The following MIPOL1 variants were observed in gnomAD, a reference collection of about 807,000 sequenced individuals.
MIPOL1 encodes the protein mirror-image polydactyly gene 1 protein.
In MIPOL1, 57 loss-of-function variants were observed where a neutral mutation model predicts 60.9. That is an observed-to-expected ratio of 0.94 (90% CI 0.76 to 1.17). The LOEUF (loss-of-function observed/expected upper bound fraction) is 1.17, where lower values mean the gene tolerates loss of function less well. Among genes scored for constraint, MIPOL1 ranks in the 50% most tolerant of loss-of-function variants. The pLI is 0.00. For missense variants in MIPOL1, 551 were observed against 511.6 expected (o/e 1.08, Z -0.74); for synonymous variants, 179 against 168.8 (o/e 1.06, Z -0.47).
intron 7 of MIPOL1, among the ~76,000 whole-genome samples, chr14:37,295,519 A>G (rs4900751): frequency 0.3 from 45,934 of 152,070 alleles, 7,183 homozygotes; most frequent in East Asian, 0.46. Context: ...CAAGTTGGAT[A>G]AAGAGTCAAG....
intron 1 of MIPOL1, among the ~76,000 whole-genome samples, chr14:37,224,000 A>G (rs925307325): frequency 6.6e-6 from 1 of 152,206 alleles, no homozygotes; most frequent in Non-Finnish European, 1.5e-5. Context: ...TAGGTTGTGA[A>G]ATCTAGCATT....
At chr14:37,452,497 T>C (rs1403890000) in intron 11 of MIPOL1, among the ~76,000 whole-genome samples, 1 of 152,190 alleles carries the variant, frequency 6.6e-6, no homozygotes, top group Non-Finnish European at 1.5e-5. Flanking sequence ...ATAATATAGG[T>C]CATGAGAAGT....
chr14:37,491,195 G>A (rs1412310376), intron 11 of MIPOL1, among the ~76,000 whole-genome samples: 1 of 152,122 alleles, frequency 6.6e-6, no homozygotes, highest in Non-Finnish European at 1.5e-5. Flanking sequence ...ATCAGGAGCT[G>A]GCCCTACATT....
At chr14:37,544,246 A>G (rs372626605) in intron 12 of MIPOL1, among the ~76,000 whole-genome samples, 242 of 152,328 alleles carry the variant, frequency 1.6e-3, no homozygotes, top group African/African-American at 5.3e-3. Context: ...AAGAAACAAA[A>G]ATCATATTTA....
chr14:37,214,980 C>T (rs999046883), intron 1 of MIPOL1, among the ~76,000 whole-genome samples: 3 of 152,102 alleles, frequency 2.0e-5, no homozygotes, highest in Non-Finnish European at 1.5e-5. Context: ...GCGGCCTAAC[C>T]ATCTCCCTGT....
At chr14:37,335,166 C>T (rs946967767) in intron 9 of MIPOL1, among the ~76,000 whole-genome samples, 2 of 152,064 alleles carry the variant, frequency 1.3e-5, no homozygotes, top group Admixed American at 1.3e-4. Flanking sequence ...CTCGCTAACA[C>T]CTGTTACTAT....
intron 9 of MIPOL1, among the ~76,000 whole-genome samples, chr14:37,324,834 T>C (rs2088977172): frequency 6.6e-6 from 1 of 152,124 alleles, no homozygotes; most frequent in South Asian, 2.1e-4. Flanking sequence ...TTTCATGCCA[T>C]TGAAACAAAT....
rs869258490 is a variant in MIPOL1, at chr14:37,431,569, CTTTTTT to C, written c.1031+8642_1031+8647del. On this transcript the variant is annotated intron_variant, in intron 11 of 12. Coordinates refer to ENST00000684589, the MANE Select transcript of MIPOL1 (RefSeq NM_001388067.1). ...CTTGATATTGCTGCCATCTCTGTTT[CTTTTTT>C]TTTTTTTTTTTTTTTTTTTTTGAGA... 6.3e-4 allele frequency among the ~76,000 whole-genome samples: 41 copies of C among 64,850 alleles called. 1 individual carries two copies. The highest frequency in any genetic ancestry group is 1.7e-3 in the East Asian group (3 of 1,780). The allele number at this position is 64,850 out of a possible 152,430, so 42.5% of individuals were successfully genotyped here.
intron 1 of MIPOL1, among the ~76,000 whole-genome samples, chr14:37,244,750 A>G (rs1972921997): frequency 6.6e-6 from 1 of 152,126 alleles, no homozygotes; most frequent in African/African-American, 2.4e-5. Context: ...CACTAGTTTT[A>G]ATGTGAATAT....
At chr14:37,459,603 G>A (rs1057075674) in intron 11 of MIPOL1, among the ~76,000 whole-genome samples, 2 of 152,120 alleles carry the variant, frequency 1.3e-5, no homozygotes, top group Non-Finnish European at 2.9e-5. Flanking sequence ...AAGAAGAGCT[G>A]GTACCAATCT....
intron 10 of MIPOL1, among the ~76,000 whole-genome samples, chr14:37,414,364 A>G (rs1030281478): frequency 6.6e-6 from 1 of 152,176 alleles, no homozygotes; most frequent in East Asian, 1.9e-4. Context: ...TAGTCATTGT[A>G]ATTTTACCTC....
At chr14:37,202,710 A>G (rs909206099) in intron 1 of MIPOL1, among the ~76,000 whole-genome samples, 1 of 152,172 alleles carries the variant, frequency 6.6e-6, no homozygotes, top group Non-Finnish European at 1.5e-5. Flanking sequence ...TGTGAGTCCA[A>G]TTGTAGTCAT....
chr14:37,511,578 C>T (rs1253794042), intron 12 of MIPOL1, among the ~76,000 whole-genome samples: 2 of 152,142 alleles, frequency 1.3e-5, no homozygotes, highest in African/African-American at 2.4e-5. Flanking sequence ...AGATTTAAAA[C>T]TTTGTGATTC....
intron 7 of MIPOL1, 33 bp from the exon 8 acceptor site, chr14:37,308,023 A>G (rs758368649): frequency 1.9e-6 from 3 of 1,594,306 alleles, no homozygotes; most frequent in Admixed American, 1.8e-5. Context: ...AGGAAATGCT[A>G]CTGATCAGGC....
At chr14:37,467,915 G>T (rs1429510612) in intron 11 of MIPOL1, among the ~76,000 whole-genome samples, 2 of 151,874 alleles carry the variant, frequency 1.3e-5, no homozygotes, top group Admixed American at 6.6e-5. Context: ...TTAGCCAGGT[G>T]TGGTGGTGTG....
At chr14:37,299,335 T>C (rs2086137755) in intron 7 of MIPOL1, among the ~76,000 whole-genome samples, 1 of 152,050 alleles carries the variant, frequency 6.6e-6, no homozygotes, top group Non-Finnish European at 1.5e-5. Context: ...ATATACCTAA[T>C]GCTAAATGAC....
chr14:37,480,635 A>G (rs1458015213), intron 11 of MIPOL1, among the ~76,000 whole-genome samples: 2 of 152,148 alleles, frequency 1.3e-5, no homozygotes, highest in Non-Finnish European at 1.5e-5. Flanking sequence ...CCTCTCCTCT[A>G]AGATCTGGGA....
At chr14:37,266,866 A>G (rs373259847) in intron 3 of MIPOL1, 72 bp from the exon 4 acceptor site, 96 of 1,020,834 alleles carry the variant, frequency 9.4e-5, no homozygotes, top group East Asian at 3.1e-4. Context: ...AAAAATATTT[A>G]TTTGACTGAA....
chr14:37,481,840 GAT>G (rs1307605437), intron 11 of MIPOL1, among the ~76,000 whole-genome samples: 1 of 152,120 alleles, frequency 6.6e-6, no homozygotes, highest in Non-Finnish European at 1.5e-5. Context: ...ATGGGAAAAG[GAT>G]AGTCTTTTCA....
Sources: allele counts gnomAD v4.1 joint callset (sites outside exome capture counted in the v4.1 genomes callset), GRCh38; gene constraint gnomAD v4.1.1; transcripts MANE v1.5; gene names NCBI Gene and HGNC (gene_info 2026-07-23, HGNC 2026-07-21).